HP1BP3: variants seen among roughly 807,000 people sequenced by gnomAD.
The protein encoded by HP1BP3 is heterochromatin protein 1 binding protein 3.
Under a neutral mutation model 62.5 loss-of-function variants are expected in HP1BP3, and 12 were observed. That is an observed-to-expected ratio of 0.19 (90% CI 0.12 to 0.31). The LOEUF is 0.31. Among genes scored for constraint, HP1BP3 ranks in the 10% least tolerant of loss-of-function variants. The probability of loss-of-function intolerance (pLI) is 1.00; values close to 1 mark genes in which losing one functional copy is unlikely to be tolerated. For synonymous variants in HP1BP3, 260 were observed against 237.8 expected, an observed-to-expected ratio of 1.09 and a Z score of -0.86; for missense variants, 502 against 651.8, an observed-to-expected ratio of 0.77 and a Z score of 2.50.
At chr1:20,782,908 GAAAA>G (rs1056907677) in intron 1 of HP1BP3, among the ~76,000 whole-genome samples, 6 of 119,894 alleles carry the variant, frequency 5.0e-5, no homozygotes, top group African/African-American at 1.2e-4. Flanking sequence ...TCAAAAAAAA[GAAAA>G]AAAAAAAAAA....
At chr1:20,765,052 G>A (rs1267571320) in intron 8 of HP1BP3, among the ~76,000 whole-genome samples, 1 of 149,780 alleles carries the variant, frequency 6.7e-6, no homozygotes, top group Non-Finnish European at 1.5e-5. Flanking sequence ...GCCTGTAGGC[G>A]CAGCTACCCG....
chr1:20,759,516 T>C (rs1168700656), intron 8 of HP1BP3, among the ~76,000 whole-genome samples: 2 of 152,238 alleles, frequency 1.3e-5, no homozygotes, highest in Non-Finnish European at 2.9e-5. Context: ...GGGCTCCTTC[T>C]GTCATGTGAG....
intron 9 of HP1BP3, among the ~76,000 whole-genome samples, chr1:20,754,470 G>GTTT (rs554461708): frequency 7.0e-6 from 1 of 143,274 alleles, no homozygotes; most frequent in East Asian, 2.0e-4. Flanking sequence ...TGTTTTTTTG[G>GTTT]TTTTTTTTTT....
At chr1:20,760,996 A>G (rs1367700071) in intron 8 of HP1BP3, among the ~76,000 whole-genome samples, 1 of 152,160 alleles carries the variant, frequency 6.6e-6, no homozygotes, top group East Asian at 1.9e-4. Flanking sequence ...GGCCTGGAAG[A>G]GAATGGTAGT....
chr1:20,766,633 T>TA (rs761883056), intron 7 of HP1BP3, among the ~76,000 whole-genome samples: 2 of 152,132 alleles, frequency 1.3e-5, no homozygotes, highest in African/African-American at 4.8e-5. Flanking sequence ...TTGGGTCTAG[T>TA]ATTTGGTAAA....
At chr1:20,753,771 C>T (rs1339510249) in intron 9 of HP1BP3, among the ~76,000 whole-genome samples, 4 of 152,168 alleles carry the variant, frequency 2.6e-5, no homozygotes, top group Non-Finnish European at 5.9e-5. Context: ...ACAAACCACA[C>T]AATCATCTCA....
chr1:20,745,139 C>T (rs759434336), intron 12 of HP1BP3, 48 bp from the exon 13 acceptor site: 5 of 1,536,276 alleles, frequency 3.3e-6, no homozygotes, highest in Non-Finnish European at 4.4e-6. Flanking sequence ...TTAAGAGATT[C>T]GTTTTGTTGG....
chr1:20,784,476 CT>C (rs368306686), intron 1 of HP1BP3, among the ~76,000 whole-genome samples: 7,188 of 124,410 alleles, frequency 0.058, 122 homozygotes, highest in African/African-American at 0.082. Flanking sequence ...TGTGTTTTCC[CT>C]TTTTTTTTTT....
At chr1:20,759,770 G>A (rs1053768013) in intron 8 of HP1BP3, among the ~76,000 whole-genome samples, 1 of 152,104 alleles carries the variant, frequency 6.6e-6, no homozygotes, top group African/African-American at 2.4e-5. Flanking sequence ...ATACATTCAG[G>A]TAAAGGGAAT....
intron 6 of HP1BP3, among the ~76,000 whole-genome samples, chr1:20,768,381 G>T (rs1320047043): frequency 6.6e-6 from 1 of 152,138 alleles, no homozygotes; most frequent in Non-Finnish European, 1.5e-5. Context: ...AGGAGGCAGA[G>T]CTTGCAGTGA....
At chr1:20,775,638 G>T (rs1328331155) in intron 4 of HP1BP3, 1 of 190,536 alleles carries the variant, frequency 5.2e-6, no homozygotes, top group African/African-American at 2.3e-5. Flanking sequence ...ATTCATGGTA[G>T]GTGTCCTACA....
intron 2 of HP1BP3, 67 bp from the exon 3 acceptor site, chr1:20,779,978 G>T: frequency 2.5e-6 from 3 of 1,190,466 alleles, no homozygotes; most frequent in Non-Finnish European, 3.6e-6. Flanking sequence ...TTCTCAAAGG[G>T]CCTAACTGGG....
At chr1:20,757,309 A>C in intron 8 of HP1BP3, 53 bp from the exon 9 acceptor site, 7 of 1,014,598 alleles carry the variant, frequency 6.9e-6, no homozygotes, top group African/African-American at 1.6e-5. Context: ...TGAAAGAAAA[A>C]TGTAAAGAAA....
rs1235510326 is a variant in HP1BP3 at position 20,741,438 on chromosome 1, G to A, written c.*3359C>T. The stretch of plus-strand genomic sequence containing the variant: ...GATGAAAAAACAAATGTCAAAAGGT[G>A]TTAGCAGATTGTTTAGTTTTGTTTT... On this transcript the variant is annotated 3_prime_UTR_variant, in exon 13 of 13. Transcript: ENST00000438032. Among the ~76,000 whole-genome samples, 1 of 152,160 alleles carries A rather than the reference G, an allele frequency of 6.6e-6. No individual in the cohort carries two copies. Among genetic ancestry groups the A allele is most frequent in the Non-Finnish European group, 1.5e-5 (1 of 68,028 alleles).
chr1:20,763,141 C>G (rs2056582342), intron 8 of HP1BP3, among the ~76,000 whole-genome samples: 1 of 152,180 alleles, frequency 6.6e-6, no homozygotes. Context: ...CTCCTCCTTC[C>G]ACCATGATTG....
intron 1 of HP1BP3, among the ~76,000 whole-genome samples, 167 bp downstream of exon 1, chr1:20,787,028 C>T (rs1458794513): frequency 6.6e-6 from 1 of 151,714 alleles, no homozygotes; most frequent in Non-Finnish European, 1.5e-5. Flanking sequence ...CGGGGCGGAG[C>T]GGCCGGGTAA....
chr1:20,771,163 G>C, intron 5 of HP1BP3, 90 bp from the exon 6 acceptor site: 3 of 1,080,898 alleles, frequency 2.8e-6, no homozygotes, highest in Middle Eastern at 4.1e-4. Flanking sequence ...AAGTGAATTT[G>C]ATGATAGATG....
At position 20,768,364 on chromosome 1, in the gene HP1BP3, T is replaced by G. The variant is rs535050046; in HGVS notation, c.655-700A>C. Among the ~76,000 whole-genome samples the G allele has an allele frequency of 3.9e-5, 6 of 152,220 alleles. No individual in the cohort carries two copies. In the East Asian group the frequency reaches 1.2e-3, roughly 29 times the overall value. The stretch of plus-strand genomic sequence containing the variant: ...GGGAGGCTGAGGCAGGAGAATGGCG[T>G]GAACCCAGGAGGCAGAGCTTGCAGT... On this transcript the variant is annotated intron_variant, in intron 6 of 12. Coordinates refer to ENST00000438032, the MANE Select transcript of HP1BP3 (RefSeq NM_001372052.1).
chr1:20,761,211 A>T (rs573714360), intron 8 of HP1BP3, among the ~76,000 whole-genome samples: 2 of 151,646 alleles, frequency 1.3e-5, no homozygotes, highest in African/African-American at 4.8e-5. Context: ...TGCATGGCTA[A>T]TTTTTTTGTA....
Sources: allele counts gnomAD v4.1 joint callset (sites outside exome capture counted in the v4.1 genomes callset), GRCh38; gene constraint gnomAD v4.1.1; transcripts MANE v1.5; gene names NCBI Gene and HGNC (gene_info 2026-07-23, HGNC 2026-07-21).